Variants in PAPOLA observed in about 807,000 individuals in gnomAD.
PAPOLA encodes polynucleotide adenylyltransferase alpha.
Under a neutral mutation model 100.6 loss-of-function variants are expected in PAPOLA, and 15 were observed. The observed-to-expected ratio is 0.15, with a 90% CI of 0.10 to 0.23. The LOEUF (loss-of-function observed/expected upper bound fraction) is 0.23, where lower values mean the gene tolerates loss of function less well. Ranked by LOEUF, PAPOLA falls within the 10% of genes least tolerant of loss-of-function variation. The pLI is 1.00. For synonymous variants in PAPOLA, 293 were observed against 300.0 expected (o/e 0.98, Z 0.24); for missense variants, 533 against 884.2 (o/e 0.60, Z 5.04).
chr14:96,538,306 T>G (rs949099719), intron 12 of PAPOLA, among the ~76,000 whole-genome samples: 3 of 152,006 alleles, frequency 2.0e-5, no homozygotes, highest in African/African-American at 7.2e-5. Context: ...CGTATAGGAC[T>G]GTGACGGGGC....
At position 96,565,243 on chromosome 14, in the gene PAPOLA, A is replaced by G. The variant is rs1231950904; in HGVS notation, c.*193A>G. 6.2e-6 allele frequency: 3 copies of G among 484,498 alleles called. No individual in the cohort carries two copies. The highest frequency in any genetic ancestry group is 1.9e-5 in the African/African-American group (1 of 52,210). The allele number at this position is 484,498 out of a possible 1,614,324, so 30.0% of individuals were successfully genotyped here. ...AGTATGTGAAGCCAGGAGTACTATT[A>G]TTATTGTGTTAGCAACAGTTGCATT... On this transcript the variant is annotated 3_prime_UTR_variant, in exon 22 of 22. Transcript: ENST00000216277.
rs1486637847 is a variant in PAPOLA, at chr14:96,560,669, T to C, written c.2025T>C (p.Ala675=). The change falls in exon 20 of 22, where the codon GCT becomes GCC. Residue 675 remains alanine, a synonymous_variant. Transcript: ENST00000216277. ...AACAGGATGAAACAAGTGAAGATGCTAACTGTCTTGCTTTGAGTGGACATG... is the reference window on the plus strand; with the variant it reads ...AACAGGATGAAACAAGTGAAGATGCCAACTGTCTTGCTTTGAGTGGACATG... The part of the protein sequence containing the change: ...KTEEDETSED[A]NCLALSGHDK... 6.2e-7 allele frequency: 1 copy of C among 1,608,056 alleles called. No individual in the cohort carries two copies. Among genetic ancestry groups the C allele is most frequent in the Non-Finnish European group, 8.5e-7 (1 of 1,175,814 alleles).
At chr14:96,527,726 T>G (rs1052806182) in intron 5 of PAPOLA, 187 bp downstream of exon 5, 11 of 609,098 alleles carry the variant, frequency 1.8e-5, no homozygotes, top group South Asian at 1.6e-4. Flanking sequence ...ATTTACAGAT[T>G]AGGAAATTGA....
At chr14:96,507,410 C>G (rs956463158) in intron 1 of PAPOLA, among the ~76,000 whole-genome samples, 1 of 150,648 alleles carries the variant, frequency 6.6e-6, no homozygotes, top group African/African-American at 2.5e-5. Context: ...GCCTCAGCCT[C>G]CCGAGTAGCT....
intron 5 of PAPOLA, 113 bp from the exon 6 acceptor site, chr14:96,527,840 G>T (rs922521308): frequency 5.1e-6 from 4 of 785,698 alleles, no homozygotes; most frequent in African/African-American, 5.1e-5. Context: ...TGATCGAACA[G>T]CCCAGTCTTA....
chr14:96,527,763 C>G (rs1898618997), intron 5 of PAPOLA, 190 bp from the exon 6 acceptor site: 2 of 621,558 alleles, frequency 3.2e-6, no homozygotes, highest in Non-Finnish European at 5.8e-6. Context: ...ATGAAATAAT[C>G]TGGCCACAAT....
chr14:96,527,519 G>A lies in PAPOLA; in HGVS notation c.421G>A (p.Glu141Lys). The A allele has an allele frequency of 6.3e-7, 1 of 1,588,368 alleles. No individual in the cohort carries two copies. The highest frequency in any genetic ancestry group is 8.6e-7 in the Non-Finnish European group (1 of 1,156,798). ...ATTCTATGATAAGTTGAAATTACAGGAAGAAGTAAAAGATTTAAGAGTGCG... is the reference window on the plus strand; with the variant it reads ...ATTCTATGATAAGTTGAAATTACAGAAAGAAGTAAAAGATTTAAGAGTGCG... ...TSFYDKLKLQ[E>K]EVKDLRAVEE... Residue 141 changes from glutamate to lysine, a missense_variant, in exon 5 of 22, where the codon GAA becomes AAA. Around this residue, in one of 9 missense-constraint regions of PAPOLA, gnomAD observed 54 missense variants for 133.2 expected, o/e 0.41. Transcript: ENST00000216277.
intron 16 of PAPOLA, among the ~76,000 whole-genome samples, chr14:96,548,270 A>G (rs1900550629): frequency 6.6e-6 from 1 of 152,196 alleles, no homozygotes; most frequent in Non-Finnish European, 1.5e-5. Context: ...GTAAGGAAAT[A>G]TGTGGGTCAA....
chr14:96,547,588 C>A, intron 15 of PAPOLA: 1 of 417,400 alleles, frequency 2.4e-6, no homozygotes, highest in South Asian at 3.5e-5. Context: ...AGAATTAATA[C>A]ATTTTGTGCT....
At chr14:96,512,910 G>T (rs1897200392) in intron 1 of PAPOLA, among the ~76,000 whole-genome samples, 1 of 152,192 alleles carries the variant, frequency 6.6e-6, no homozygotes, top group South Asian at 2.1e-4. Context: ...AAGTACCAAA[G>T]AAGCTCCCTT....
chr14:96,560,342 C>CTT (rs765593616), intron 19 of PAPOLA: 44 of 196,434 alleles, frequency 2.2e-4, no homozygotes, highest in East Asian at 3.9e-4. Flanking sequence ...ATCAGGAACT[C>CTT]TTTTTTTTTT....
At chr14:96,543,364 T>C (rs537130172) in intron 14 of PAPOLA, among the ~76,000 whole-genome samples, 1 of 152,232 alleles carries the variant, frequency 6.6e-6, no homozygotes, top group African/African-American at 2.4e-5. Context: ...AGTTTACCTT[T>C]TTAGGGGTCT....
chr14:96,564,209 G>A (rs948858614), intron 21 of PAPOLA, among the ~76,000 whole-genome samples: 10 of 152,180 alleles, frequency 6.6e-5, no homozygotes, highest in Admixed American at 6.5e-4. Flanking sequence ...ATTTATAGAT[G>A]AAATGATAAG....
At chr14:96,560,410 T>C (rs1595561859) in intron 19 of PAPOLA, 2 of 386,312 alleles carry the variant, frequency 5.2e-6, no homozygotes, top group East Asian at 9.2e-5. Flanking sequence ...AAATGTACTT[T>C]AGGTGGTGAT....
At chr14:96,537,954 C>T (rs80082660) in intron 12 of PAPOLA, 52 of 151,972 alleles carry the variant, frequency 3.4e-4, no homozygotes, top group Middle Eastern at 3.4e-3. Flanking sequence ...AAAGCAATAA[C>T]GGAGCCAGTA....
At chr14:96,558,331 C>T (rs984713741) in intron 19 of PAPOLA, among the ~76,000 whole-genome samples, 1 of 152,144 alleles carries the variant, frequency 6.6e-6, no homozygotes, top group African/African-American at 2.4e-5. Flanking sequence ...ACTACTGATA[C>T]TGGTTTGAAG....
At chr14:96,527,742 A>C in intron 5 of PAPOLA, 1 of 610,846 alleles carries the variant, frequency 1.6e-6, no homozygotes, top group Non-Finnish European at 2.9e-6. Context: ...ATTGAGGCAA[A>C]CAAAATAAAT....
At chr14:96,538,269 A>G (rs1366903077) in intron 12 of PAPOLA, among the ~76,000 whole-genome samples, 3 of 152,008 alleles carry the variant, frequency 2.0e-5, no homozygotes, top group Non-Finnish European at 4.4e-5. Context: ...TGATGAAACT[A>G]GATTCAAACT....
rs757651246 is a variant in PAPOLA, at chr14:96,542,343, A to G, written c.1169+47A>G. 6 of 1,138,510 alleles carry G rather than the reference A, an allele frequency of 5.3e-6. No individual in the cohort carries two copies. The Admixed American group carries it at 9.0e-5, about 17-fold the overall frequency. 70.5% of individuals were successfully genotyped at this position (1,138,510 alleles called of 1,614,324 possible). A position where few individuals can be genotyped will look rare whatever the true frequency, so the allele number is the denominator to read the frequency against. ...ACAGAAAAAGCAAACTTCAAAATGA[A>G]TCACATAGCCACTGAACACAGTAGG... On this transcript the variant is annotated intron_variant, in intron 13 of 21. Coordinates refer to ENST00000216277, the MANE Select transcript of PAPOLA (RefSeq NM_032632.5).
Sources: gnomAD v4.1 joint callset for allele counts (sites outside exome capture counted in the v4.1 genomes callset) on GRCh38, gnomAD v4.1.1 for gene constraint, gnomAD v4.1.1 regional missense constraint, MANE v1.5 for transcripts, NCBI Gene and HGNC (gene_info 2026-07-23, HGNC 2026-07-21) for gene names.